MPPED2: variants seen among roughly 807,000 people sequenced by gnomAD.
MPPED2 encodes the protein metallophosphoesterase domain containing 2, also known as metallophosphoesterase MPPED2.
A neutral mutation model predicts 33.0 loss-of-function variants in MPPED2; 5 were observed. The ratio of observed to expected loss-of-function variants is 0.15; its 90% CI spans 0.08 to 0.32. MPPED2 has a LOEUF of 0.32. MPPED2 is among the 10% of genes least tolerant of loss of function. MPPED2 has a pLI of 1.00. For synonymous variants in MPPED2, 136 were observed against 141.9 expected (o/e 0.96, Z 0.29); for missense variants, 275 against 372.1 (o/e 0.74, Z 2.15).
intron 6 of MPPED2, among the ~76,000 whole-genome samples, chr11:30,399,363 AAT>A (rs746208796): frequency 1.7e-4 from 26 of 152,176 alleles, no homozygotes; most frequent in Non-Finnish European, 3.4e-4. Context: ...GTAAGAAAAA[AAT>A]ATATGTTTCT....
chr11:30,449,069 T>C (rs1190740721), intron 4 of MPPED2, among the ~76,000 whole-genome samples: 1 of 152,230 alleles, frequency 6.6e-6, no homozygotes. Flanking sequence ...TTTTAGTCTC[T>C]TCTACTAGAT....
chr11:30,480,302 T>C (rs1181918897), intron 4 of MPPED2, among the ~76,000 whole-genome samples: 1 of 152,072 alleles, frequency 6.6e-6, no homozygotes, highest in Non-Finnish European at 1.5e-5. Flanking sequence ...CTAGAACCTT[T>C]TAAATGCCTT....
At position 30,460,499 on chromosome 11, in the gene MPPED2, T is replaced by G. The variant is rs920359822; in HGVS notation, c.536+34797A>C. ...AGTTAGCCAGGAATGGTGGTGCACC[T>G]GTAGTCCCAGCTACTCTGGAGGCTG... is the stretch of plus-strand genomic sequence containing the variant. On this transcript the variant is annotated intron_variant, in intron 4 of 6. Coordinates refer to ENST00000358117, the MANE Select transcript of MPPED2 (RefSeq NM_001584.3). Among the ~76,000 whole-genome samples, 10 of 152,094 alleles carry G rather than the reference T, an allele frequency of 6.6e-5. No homozygotes were observed. The East Asian group carries it at 1.9e-3, about 29-fold the overall frequency.
rs576795838 is a variant in MPPED2 at position 30,502,025 on chromosome 11, C to T, written c.311-6504G>A. ...AGCAGCTATGCTTTCCTTGATTTTA[C>T]CATCTGGGGAAAGATTTCATCATTC... is the stretch of plus-strand genomic sequence containing the variant. On this transcript the variant is annotated intron_variant, in intron 3 of 6. Transcript: ENST00000358117. 2.0e-5 allele frequency among the ~76,000 whole-genome samples: 3 copies of T among 152,214 alleles called. No individual in the cohort carries two copies. In the South Asian group the frequency reaches 6.2e-4, roughly 32 times the overall value.
chr11:30,517,360 T>G (rs190929679), intron 3 of MPPED2, among the ~76,000 whole-genome samples: 1 of 152,356 alleles, frequency 6.6e-6, no homozygotes, highest in East Asian at 1.9e-4. Flanking sequence ...AACACTTTTA[T>G]GAACACTGGG....
chr11:30,580,529 C>T (rs1193334300), intron 1 of MPPED2, 35 bp from the exon 2 acceptor site: 1 of 1,407,522 alleles, frequency 7.1e-7, no homozygotes. Flanking sequence ...AAAATGAGAA[C>T]AAAGAGAAAA....
intron 4 of MPPED2, among the ~76,000 whole-genome samples, chr11:30,456,663 T>C (rs1272582597): frequency 6.6e-6 from 1 of 152,162 alleles, no homozygotes; most frequent in Non-Finnish European, 1.5e-5. Context: ...TCTGTAACCC[T>C]AAGAATCAAA....
At chr11:30,455,802 C>T (rs561138852) in intron 4 of MPPED2, among the ~76,000 whole-genome samples, 4 of 152,318 alleles carry the variant, frequency 2.6e-5, no homozygotes, top group African/African-American at 9.6e-5. Context: ...GTAAAGAGCC[C>T]TCACCTGGGT....
At chr11:30,391,849 T>C (rs1021479606) in intron 6 of MPPED2, among the ~76,000 whole-genome samples, 1 of 152,172 alleles carries the variant, frequency 6.6e-6, no homozygotes, top group Non-Finnish European at 1.5e-5. Flanking sequence ...GGCTTTAAAT[T>C]AATGTGATTC....
intron 4 of MPPED2, chr11:30,468,803 T>C (rs750268242): frequency 2.0e-5 from 3 of 152,134 alleles, no homozygotes; most frequent in Non-Finnish European, 4.4e-5. Flanking sequence ...AACCTGAAAA[T>C]AGGAGGCATT....
rs75908686 is a variant in MPPED2 at position 30,487,936 on chromosome 11, G to A, written c.536+7360C>T. 9.9e-3 allele frequency among the ~76,000 whole-genome samples: 1,498 copies of A among 152,022 alleles called. 26 individuals carry two copies. Among genetic ancestry groups the A allele is most frequent in the African/African-American group, 0.032 (1,340 of 41,442 alleles). On this transcript the variant is annotated intron_variant, in intron 4 of 6. Coordinates refer to ENST00000358117, the MANE Select transcript of MPPED2 (RefSeq NM_001584.3). ...ACCCTTTTTGCAACTAGATGAAAAC[G>A]TCCAGGTCTTCTAAGATGAAAAGCA...
At chr11:30,438,466 G>A (rs1340117506) in intron 4 of MPPED2, among the ~76,000 whole-genome samples, 2 of 152,102 alleles carry the variant, frequency 1.3e-5, no homozygotes, top group East Asian at 3.9e-4. Flanking sequence ...TGGATGCAAA[G>A]TTGTCCAACT....
Position 30,471,813 on chromosome 11 carries a change from A to G in MPPED2, c.536+23483T>C, listed in dbSNP as rs16920738. ...GAAGACACAGGAATAAGTTTCTACCATTGATGCAGGGGTGCACATGTGTCC... is the reference window on the plus strand; with the variant it reads ...GAAGACACAGGAATAAGTTTCTACCGTTGATGCAGGGGTGCACATGTGTCC... On this transcript the variant is annotated intron_variant, in intron 4 of 6. Transcript: ENST00000358117. 7.6e-3 allele frequency among the ~76,000 whole-genome samples: 1,152 copies of G among 152,292 alleles called. 28 individuals carry two copies. Among genetic ancestry groups the G allele is most frequent in the African/African-American group, 0.027 (1,105 of 41,566 alleles).
chr11:30,553,815 C>A (rs1041243282), intron 2 of MPPED2, among the ~76,000 whole-genome samples: 4 of 152,096 alleles, frequency 2.6e-5, no homozygotes, highest in Non-Finnish European at 4.4e-5. Context: ...CCATCTCTGG[C>A]ACAGAGAGTG....
rs576279156 is a variant in MPPED2, at chr11:30,394,583, G to A, written c.767-5627C>T. Among the ~76,000 whole-genome samples, 5 of 152,100 alleles carry A rather than the reference G, an allele frequency of 3.3e-5. No individual in the cohort carries two copies. The South Asian group carries it at 1.0e-3, about 32-fold the overall frequency. On this transcript the variant is annotated intron_variant, in intron 6 of 6. Transcript: ENST00000448418. ...ATCCACAGATCCTCTTTGGTTATGTGTTTATTCAACTTTTTACCCATTTTT... is the reference window on the plus strand; with the variant it reads ...ATCCACAGATCCTCTTTGGTTATGTATTTATTCAACTTTTTACCCATTTTT...
chr11:30,427,794 T>C (rs1021665870), intron 4 of MPPED2, among the ~76,000 whole-genome samples: 1 of 152,154 alleles, frequency 6.6e-6, no homozygotes, highest in African/African-American at 2.4e-5. Flanking sequence ...GGGGAAAGAT[T>C]ATGGGTGATG....
intron 4 of MPPED2, among the ~76,000 whole-genome samples, chr11:30,427,755 G>T (rs1565057355): frequency 6.6e-6 from 1 of 152,206 alleles, no homozygotes; most frequent in Admixed American, 6.5e-5. Context: ...ATGCCTAATG[G>T]TTAGGTTATC....
chr11:30,390,010 C>A (rs1392846067), intron 6 of MPPED2, among the ~76,000 whole-genome samples: 2 of 152,170 alleles, frequency 1.3e-5, no homozygotes, highest in Non-Finnish European at 2.9e-5. Context: ...CCTCTTATAT[C>A]ATCTATTCAA....
chr11:30,474,278 G>A (rs192405574), intron 4 of MPPED2, among the ~76,000 whole-genome samples: 1 of 152,270 alleles, frequency 6.6e-6, no homozygotes, highest in African/African-American at 2.4e-5. Flanking sequence ...GGAAAAAGAG[G>A]TTGGAAGACA....
Sources: gnomAD v4.1 joint callset for allele counts (sites outside exome capture counted in the v4.1 genomes callset) on GRCh38, gnomAD v4.1.1 for gene constraint, MANE v1.5 for transcripts, NCBI Gene and HGNC (gene_info 2026-07-23, HGNC 2026-07-21) for gene names.